Variants in IGFL2 observed in about 807,000 individuals in gnomAD.
The protein encoded by IGFL2 is IGF like family member 2, also known as insulin growth factor-like family member 2.
In IGFL2, 7 loss-of-function variants were observed where a neutral mutation model predicts 13.9. That is an observed-to-expected ratio of 0.51 (90% CI 0.29 to 0.95). IGFL2 has a LOEUF of 0.95. Ranked by LOEUF, IGFL2 falls within the 40% of genes least tolerant of loss-of-function variation. The pLI, the probability that IGFL2 is intolerant of heterozygous loss-of-function variation, is 0.08. For synonymous variants in IGFL2, 55 were observed against 55.8 expected, an observed-to-expected ratio of 0.99 and a Z score of 0.07; for missense variants, 138 against 147.8, an observed-to-expected ratio of 0.93 and a Z score of 0.34.
the IGFL2 span, among the ~76,000 whole-genome samples, chr19:46,085,817 G>A: frequency 6.6e-6 from 1 of 152,124 alleles, no homozygotes; most frequent in Non-Finnish European, 1.5e-5. Flanking sequence ...GGCAGGTCTG[G>A]CAGTAATGAA....
chr19:46,140,180 C>T (rs960886341), upstream of IGFL2, among the ~76,000 whole-genome samples: 2 of 151,666 alleles, frequency 1.3e-5, no homozygotes, highest in East Asian at 1.9e-4. Context: ...GAACTGACCT[C>T]AGGTGATCCA....
chr19:46,182,851 C>T, the IGFL2 span, among the ~76,000 whole-genome samples: 1 of 152,066 alleles, frequency 6.6e-6, no homozygotes, highest in African/African-American at 2.4e-5. Context: ...TGGTTTCTCC[C>T]CATCTCTCCT....
chr19:46,140,409 G>A (rs537351647), upstream of IGFL2, among the ~76,000 whole-genome samples: 62 of 152,256 alleles, frequency 4.1e-4, no homozygotes, highest in East Asian at 9.1e-3. Context: ...TGGGCACAGC[G>A]GCACATGCCT....
chr19:46,202,811 GGAGAA>G, the IGFL2 span: 18 of 152,338 alleles, frequency 1.2e-4, no homozygotes, highest in South Asian at 1.0e-3. Context: ...AAGAGAGGTT[GGAGAA>G]GAGAATGAAA....
the IGFL2 span, chr19:46,203,670 C>T: frequency 6.6e-6 from 1 of 152,306 alleles, no homozygotes; most frequent in Admixed American, 6.5e-5. Context: ...AGGCCCAGTC[C>T]TCTCCCTCAG....
chr19:46,133,193 T>A, the IGFL2 span, among the ~76,000 whole-genome samples: 1 of 151,948 alleles, frequency 6.6e-6, no homozygotes, highest in Admixed American at 6.5e-5. Flanking sequence ...AGAGAAAGGC[T>A]CCCCACATCC....
At chr19:46,087,735 C>T in the IGFL2 span, among the ~76,000 whole-genome samples, 2 of 152,238 alleles carry the variant, frequency 1.3e-5, no homozygotes, top group Non-Finnish European at 2.9e-5. Flanking sequence ...TGAGAAAATG[C>T]ATGACTGCCC....
the IGFL2 span, among the ~76,000 whole-genome samples, chr19:46,172,817 A>G: frequency 1.3e-5 from 2 of 152,124 alleles, no homozygotes; most frequent in Non-Finnish European, 2.9e-5. Flanking sequence ...TTCCAGGTTC[A>G]TGCAATCCTA....
At chr19:46,163,474 G>A (rs562047965), downstream of IGFL2, among the ~76,000 whole-genome samples, 46 of 152,304 alleles carry the variant, frequency 3.0e-4, 1 homozygote, top group Admixed American at 2.2e-3. Context: ...GCCTGGTGAT[G>A]AGCAGTGGGA....
the IGFL2 span, among the ~76,000 whole-genome samples, chr19:46,101,856 C>T: frequency 6.6e-6 from 1 of 152,204 alleles, no homozygotes; most frequent in African/African-American, 2.4e-5. Flanking sequence ...GTTGCACATC[C>T]ATGAAAAAAG....
chr19:46,171,047 A>G, the IGFL2 span, among the ~76,000 whole-genome samples: 1,170 of 151,896 alleles, frequency 7.7e-3, 20 homozygotes, highest in African/African-American at 0.026. Flanking sequence ...ATAAAACCCT[A>G]TTTGTACACT....
At chr19:46,150,995 C>T (rs1272608549) in intron 1 of IGFL2, among the ~76,000 whole-genome samples, 4 of 152,170 alleles carry the variant, frequency 2.6e-5, no homozygotes, top group Admixed American at 6.5e-5. Context: ...TTATAGTCAC[C>T]GTGCCCTGCA....
the IGFL2 span, among the ~76,000 whole-genome samples, chr19:46,136,358 A>T: frequency 6.6e-6 from 1 of 152,164 alleles, no homozygotes; most frequent in Non-Finnish European, 1.5e-5. Flanking sequence ...AGAATTGAAA[A>T]TCTATTAAAT....
chr19:46,177,043 A>G, the IGFL2 span, among the ~76,000 whole-genome samples: 2 of 152,044 alleles, frequency 1.3e-5, no homozygotes, highest in Non-Finnish European at 2.9e-5. Flanking sequence ...TCATTCTTCA[A>G]TCTTTTTTAG....
the IGFL2 span, chr19:46,208,005 T>G: frequency 2.0e-5 from 3 of 152,306 alleles, no homozygotes; most frequent in Non-Finnish European, 2.9e-5. Context: ...CACCGCATCT[T>G]GGGCTGCACT....
downstream of IGFL2, chr19:46,164,041 G>C (rs916639855): frequency 1.3e-5 from 2 of 152,186 alleles, no homozygotes; most frequent in African/African-American, 4.8e-5. Context: ...CCTGCTTAAA[G>C]AAACAGTCTG....
downstream of IGFL2, chr19:46,163,889 A>G (rs1974273611): frequency 3.3e-5 from 5 of 152,400 alleles, no homozygotes; most frequent in South Asian, 8.3e-4. Context: ...AGACTGTGAA[A>G]CAGCAAAAAT....
the IGFL2 span, among the ~76,000 whole-genome samples, chr19:46,198,740 G>A: frequency 9.9e-5 from 15 of 152,144 alleles, no homozygotes; most frequent in African/African-American, 3.1e-4. Context: ...AACTATGCTC[G>A]GAGAAAATGA....
chr19:46,176,774 G>A, the IGFL2 span, among the ~76,000 whole-genome samples: 1 of 152,138 alleles, frequency 6.6e-6, no homozygotes, highest in East Asian at 1.9e-4. Flanking sequence ...CGATGTGACC[G>A]GACCACACTC....
Sources: allele counts gnomAD v4.1 joint callset (sites outside exome capture counted in the v4.1 genomes callset), GRCh38; gene constraint gnomAD v4.1.1; transcripts MANE v1.5; gene names NCBI Gene and HGNC (gene_info 2026-07-23, HGNC 2026-07-21).